Variants in LAMA4 observed in about 807,000 individuals in gnomAD.
LAMA4 encodes the protein laminin subunit alpha-4.
In LAMA4, 127 loss-of-function variants were observed where a neutral mutation model predicts 207.1. The ratio of observed to expected loss-of-function variants is 0.61; its 90% CI spans 0.53 to 0.71. The LOEUF is 0.71. LAMA4 is among the 30% of genes least tolerant of loss of function. LAMA4 has a pLI of 0.00. For synonymous variants in LAMA4, 761 were observed against 816.0 expected, an observed-to-expected ratio of 0.93 and a Z score of 1.15; for missense variants, 2,093 against 2,246.5, an observed-to-expected ratio of 0.93 and a Z score of 1.38.
At chr6:112,192,645 T>C (rs1319430746) in intron 5 of LAMA4, among the ~76,000 whole-genome samples, 2 of 152,242 alleles carry the variant, frequency 1.3e-5, no homozygotes, top group Non-Finnish European at 2.9e-5. Context: ...GGGCCTTTGA[T>C]GAGAGAGCCC....
chr6:112,208,722 T>C (rs1784206582), intron 3 of LAMA4, among the ~76,000 whole-genome samples: 1 of 152,206 alleles, frequency 6.6e-6, no homozygotes, highest in South Asian at 2.1e-4. Context: ...ATTAATACAT[T>C]AGTCAAAGGG....
chr6:112,187,498 G>C lies in LAMA4; in HGVS notation c.918C>G (p.Ala306=). ...TGATTTCATTCACGTGCCTATGAGCGGCGGCCCCAGAGGATACGCTCAGCA... is the reference window on the plus strand; with the variant it reads ...TGATTTCATTCACGTGCCTATGAGCCGCGGCCCCAGAGGATACGCTCAGCA... ...SGVLSVSSGA[A]AHRHVNEINA... is the part of the protein sequence containing the mutation. The change falls in exon 8 of 39, where the codon GCC becomes GCG. Residue 306 remains alanine, a synonymous_variant. Transcript: ENST00000230538. The C allele has an allele frequency of 1.2e-6, 2 of 1,614,082 alleles. No homozygotes were observed. Among genetic ancestry groups the C allele is most frequent in the South Asian group, 2.2e-5 (2 of 91,074 alleles).
chr6:112,247,966 A>G (rs1787118264), intron 2 of LAMA4, among the ~76,000 whole-genome samples: 1 of 152,130 alleles, frequency 6.6e-6, no homozygotes, highest in African/African-American at 2.4e-5. Context: ...CATTATGCCA[A>G]ATGAAATAAG....
intron 2 of LAMA4, chr6:112,218,606 A>T (rs1444006040): frequency 6.6e-6 from 1 of 152,242 alleles, no homozygotes; most frequent in Admixed American, 6.5e-5. Context: ...TCCAGCAGCC[A>T]GTGCCTAGGT....
intron 2 of LAMA4, chr6:112,218,689 T>C (rs1046610423): frequency 1.3e-5 from 2 of 152,200 alleles, no homozygotes; most frequent in Non-Finnish European, 2.9e-5. Flanking sequence ...GAGCCTGTCA[T>C]TATCCACTTA....
rs560728348 is a variant in LAMA4, at chr6:112,253,648, G to A, written c.195+308C>T. 16 of 1,220,364 alleles carry A rather than the reference G, an allele frequency of 1.3e-5. No individual in the cohort carries two copies. In the Admixed American group the frequency reaches 2.0e-4, roughly 16 times the overall value. The allele number at this position is 1,220,364 out of a possible 1,614,324, so 75.6% of individuals were successfully genotyped here. On this transcript the variant is annotated intron_variant, in intron 2 of 38. Coordinates refer to ENST00000230538, the MANE Select transcript of LAMA4 (RefSeq NM_001105206.3). ...AAATGACTACTGGGACACGCAAGTG[G>A]CAGAAGTCACCGATGTGCTGCTGCA... is the stretch of plus-strand genomic sequence containing the variant.
chr6:112,254,307 G>A lies in LAMA4; in HGVS notation c.-141-16C>T. Reference sequence around the variant, plus strand: ...CAACCAGCAGCTTAGGAAATAAAGGGAAAGTGCGAGAGTAAGGGAGAGTTC... The same window carrying A: ...CAACCAGCAGCTTAGGAAATAAAGGAAAAGTGCGAGAGTAAGGGAGAGTTC... On this transcript the variant is annotated splice_polypyrimidine_tract_variant and intron_variant, in intron 1 of 38. Transcript: ENST00000230538. The A allele has an allele frequency of 1.2e-6, 1 of 845,838 alleles. No homozygotes were observed. Among genetic ancestry groups the A allele is most frequent in the South Asian group, 1.5e-5 (1 of 64,652 alleles). The allele number at this position is 845,838 out of a possible 1,614,324, so 52.4% of individuals were successfully genotyped here.
At chr6:112,155,208 C>T in intron 15 of LAMA4, 1 of 580,448 alleles carries the variant, frequency 1.7e-6, no homozygotes, top group Non-Finnish European at 3.0e-6. Flanking sequence ...AAGTGCTTGC[C>T]ACATAGAAGC....
At chr6:112,228,067 C>T (rs1785323320) in intron 2 of LAMA4, among the ~76,000 whole-genome samples, 2 of 152,166 alleles carry the variant, frequency 1.3e-5, no homozygotes, top group Admixed American at 6.5e-5. Context: ...GGATCTATGA[C>T]CCAAACTCAG....
At chr6:112,227,243 G>A (rs1733156934) in intron 2 of LAMA4, among the ~76,000 whole-genome samples, 2 of 151,878 alleles carry the variant, frequency 1.3e-5, no homozygotes, top group Non-Finnish European at 2.9e-5. Flanking sequence ...GCTAATTTTT[G>A]TATTTTTAGT....
intron 2 of LAMA4, among the ~76,000 whole-genome samples, chr6:112,248,647 T>C (rs576574389): frequency 6.6e-6 from 1 of 152,272 alleles, no homozygotes; most frequent in African/African-American, 2.4e-5. Flanking sequence ...TTATAATAAA[T>C]TCCATAACAT....
chr6:112,122,068 C>G lies in LAMA4; in HGVS notation c.4421G>C (p.Gly1474Ala). The change falls in exon 32 of 39, where the codon GGA becomes GCA. Residue 1474 changes from glycine to alanine, a missense_variant. Physicochemically the swap from Gly to Ala is moderately conservative, Grantham distance 60. This residue lies in a region of LAMA4 where 383 missense variants were observed against 437.8 expected (regional missense o/e 0.87). Coordinates refer to ENST00000230538, the MANE Select transcript of LAMA4 (RefSeq NM_001105206.3). Reference sequence around the variant, plus strand: ...AAACTCTTGGCGGCTGTTGGCTGTTCCTCCATATTGATAGGCGTGCTCTAT... The same window carrying G: ...AAACTCTTGGCGGCTGTTGGCTGTTGCTCCATATTGATAGGCGTGCTCTAT... Reference protein sequence around the residue: ...RAIEHAYQYGGTANSRQEFEH... With the variant: ...RAIEHAYQYGATANSRQEFEH... 1 of 1,613,948 alleles carries G rather than the reference C, an allele frequency of 6.2e-7. No homozygotes were observed. The highest frequency in any genetic ancestry group is 1.1e-5 in the South Asian group (1 of 91,062).
Position 112,155,586 on chromosome 6 carries a change from G to C in LAMA4, c.1938C>G (p.Asn646Lys). ...EANETAEFAL[N>K]TTDRIYDAVS... ...TCACATCATAAATTCGGTCAGTGGT[G>C]TTCAAAGCAAATTCTGCTGTTTCAT... Residue 646 changes from asparagine to lysine, a missense_variant, in exon 15 of 39, where the codon AAC becomes AAG. Coordinates refer to ENST00000230538, the MANE Select transcript of LAMA4 (RefSeq NM_001105206.3). 6.2e-7 allele frequency: 1 copy of C among 1,614,144 alleles called. No homozygotes were observed. The highest frequency in any genetic ancestry group is 8.5e-7 in the Non-Finnish European group (1 of 1,179,994).
chr6:112,231,431 A>G (rs1218249134), intron 2 of LAMA4, among the ~76,000 whole-genome samples: 1 of 152,236 alleles, frequency 6.6e-6, no homozygotes, highest in Non-Finnish European at 1.5e-5. Flanking sequence ...ACATATGGCA[A>G]TTATTCTCAA....
chr6:112,111,042 A>G (rs190016232), intron 38 of LAMA4, among the ~76,000 whole-genome samples: 175 of 152,114 alleles, frequency 1.2e-3, no homozygotes, highest in African/African-American at 3.9e-3. Context: ...TTTTTATTTT[A>G]TTATTATTAT....
At chr6:112,150,366 T>C (rs1780320238) in intron 17 of LAMA4, 145 bp downstream of exon 17, 1 of 746,918 alleles carries the variant, frequency 1.3e-6, no homozygotes, top group Non-Finnish European at 2.4e-6. Context: ...GAACTTTTTT[T>C]TGTGATGAAC....
chr6:112,216,408 C>T lies in LAMA4; in HGVS notation c.257G>A (p.Gly86Asp). 6.2e-7 allele frequency: 1 copy of T among 1,614,066 alleles called. No homozygotes were observed. The highest frequency in any genetic ancestry group is 8.5e-7 in the Non-Finnish European group (1 of 1,179,942). The change falls in exon 3 of 39, where the codon GGC (glycine) becomes GAC (aspartate). Residue 86 changes from glycine (G) to aspartate (D), a missense_variant. By Grantham distance (94) the Gly-to-Asp change is moderately conservative. Coordinates refer to ENST00000230538, the MANE Select transcript of LAMA4 (RefSeq NM_001105206.3). ...GCCGTCCAAACACTCGTTGGAATTG[C>T]CATTACAGTCGCAGGGCACACATTC... ...SGECVPCDCN[G>D]NSNECLDGSG...
chr6:112,195,677 T>G (rs1554350242), intron 5 of LAMA4, among the ~76,000 whole-genome samples: 1 of 152,188 alleles, frequency 6.6e-6, no homozygotes, highest in African/African-American at 2.4e-5. Context: ...GCAACAAGAT[T>G]CACATGATCA....
intron 5 of LAMA4, among the ~76,000 whole-genome samples, chr6:112,199,724 T>G (rs1231020399): frequency 6.6e-6 from 1 of 151,404 alleles, no homozygotes; most frequent in Non-Finnish European, 1.5e-5. Context: ...ATAATAACAA[T>G]GCCTTCCAAG....
Sources: gnomAD v4.1 joint callset for allele counts (sites outside exome capture counted in the v4.1 genomes callset) on GRCh38, gnomAD v4.1.1 for gene constraint, gnomAD v4.1.1 regional missense constraint, MANE v1.5 for transcripts, NCBI Gene and HGNC (gene_info 2026-07-23, HGNC 2026-07-21) for gene names.